The following TIMM17B variants were observed in gnomAD, a reference collection of about 807,000 sequenced individuals.
TIMM17B encodes the protein mitochondrial import inner membrane translocase subunit Tim17-B.
TIMM17B carries 10 observed loss-of-function variants against 15.9 expected under a neutral mutation model. The observed-to-expected ratio is 0.63, with a 90% CI of 0.39 to 1.06. The LOEUF is 1.06. Among genes scored for constraint, TIMM17B ranks in the 50% least tolerant of loss-of-function variants. The pLI, the probability that TIMM17B is intolerant of heterozygous loss-of-function variation, is 0.01. For missense variants in TIMM17B, 114 were observed against 152.2 expected (o/e 0.75, Z 1.32); for synonymous variants, 57 against 57.2 (o/e 1.00, Z 0.02).
At chrX:48,896,572 G>A (rs1015118921) in intron 3 of TIMM17B, 187 bp downstream of exon 2, 11 of 951,673 alleles carry the variant, frequency 1.2e-5, no homozygotes, top group Non-Finnish European at 1.5e-5. Context: ...GAGGGTGGAA[G>A]ACAGAGGCCA....
chrX:48,898,069 G>C, exon 1 of TIMM17B: 3 of 1,036,586 alleles, frequency 2.9e-6, no homozygotes, highest in Non-Finnish European at 3.7e-6. Flanking sequence ...TCCACTACCT[G>C]CACGAGTGTA....
At chrX:48,896,667 C>G (rs782044580) in intron 3 of TIMM17B, 92 bp downstream of exon 2, 2 of 1,168,300 alleles carry the variant, frequency 1.7e-6, no homozygotes, top group Non-Finnish European at 2.3e-6. Context: ...AATAAGTGCA[C>G]GTGACTGGCA....
chrX:48,897,027 C>T lies in TIMM17B; in HGVS notation c.27-169G>A. The T allele has an allele frequency of 2.5e-5, 25 of 1,007,623 alleles. No individual in the cohort carries two copies. The South Asian group carries it at 3.8e-4, about 15-fold the overall frequency. The allele number at this position is 1,007,623 out of a possible 1,213,427, so 83.0% of individuals were successfully genotyped here. Reference sequence around the variant, plus strand: ...AGTTCTGTCACGCTTTTTCCACACACCCCCCCATTAAAGCGAGAAATGGGG... The same window carrying T: ...AGTTCTGTCACGCTTTTTCCACACATCCCCCCATTAAAGCGAGAAATGGGG... On this transcript the variant is annotated intron_variant, in intron 2 of 6. Coordinates refer to ENST00000376582, the Ensembl canonical transcript of TIMM17B.
In TIMM17B at chrX:48,897,182, T is replaced by C. The variant is rs2063321823; in HGVS notation, c.27-324A>G. ...CGTTTCAATAAGCGACATAGGCGTG[T>C]TAACTAGCCAAGACAGACTGTCAGC... On this transcript the variant is annotated intron_variant, in intron 2 of 6. Coordinates refer to ENST00000376582, the Ensembl canonical transcript of TIMM17B. 5.8e-5 allele frequency: 19 copies of C among 326,684 alleles called. No homozygotes were observed. The South Asian group carries it at 8.2e-4, about 14-fold the overall frequency. 26.9% of individuals were successfully genotyped at this position (326,684 alleles called of 1,213,427 possible).
chrX:48,893,832 C>T lies in TIMM17B; in HGVS notation c.431-15G>A. 1 of 1,185,036 alleles carries T rather than the reference C, an allele frequency of 8.4e-7. No homozygotes were observed. Among genetic ancestry groups the T allele is most frequent in the East Asian group, 3.0e-5 (1 of 33,432 alleles). On this transcript the variant is annotated splice_polypyrimidine_tract_variant and intron_variant, in intron 6 of 6. Coordinates refer to ENST00000376582, the Ensembl canonical transcript of TIMM17B. ...GAATGGGGGCGCTGGAGAAGGGAGA[C>T]TTGGGTAAGGATGAGTGGAAGAGGC...
intron 3 of TIMM17B, 65 bp downstream of exon 2, chrX:48,896,694 A>T: frequency 2.5e-6 from 3 of 1,198,952 alleles, no homozygotes; most frequent in Non-Finnish European, 3.4e-6. Flanking sequence ...AGCAGTTTTC[A>T]GAGCAGCCTC....
chrX:48,897,190 C>T (rs2063321967), intron 2 of TIMM17B: 1 of 297,768 alleles, frequency 3.4e-6, no homozygotes, highest in African/African-American at 2.7e-5. Flanking sequence ...TGTTAACTAG[C>T]CAAGACAGAC....
exon 2 of TIMM17B, chrX:48,897,790 C>A (rs782454947): frequency 2.5e-6 from 3 of 1,203,293 alleles, no homozygotes; most frequent in African/African-American, 1.7e-5. Context: ...ACGCCCCCAG[C>A]GTAGACGCAC....
At position 48,893,893 on chromosome X, in the gene TIMM17B, TACTC is replaced by T. The variant is rs1195958686; in HGVS notation, c.430+3_430+6del. ...ATTTCCCACTCCCCCGACCACCAGT[TACTC>T]ACCATTTCGGAACTGCTGGGCTGTG... On this transcript the variant is annotated splice_donor_5th_base_variant and intron_variant, in intron 6 of 6. Transcript: ENST00000376582. The T allele has an allele frequency of 5.0e-6, 6 of 1,201,774 alleles. No individual in the cohort carries two copies. Among genetic ancestry groups the T allele is most frequent in the South Asian group, 1.8e-5 (1 of 56,218 alleles).
At chrX:48,896,417 GC>G (rs782133781) in intron 3 of TIMM17B, 3 of 160,576 alleles carry the variant, frequency 1.9e-5, no homozygotes, top group African/African-American at 9.2e-5. Flanking sequence ...CCAAGAGCGT[GC>G]CACTGCACTC....
chrX:48,897,692 A>G, intron 2 of TIMM17B, 32 bp downstream of exon 1: 1 of 1,158,703 alleles, frequency 8.6e-7, no homozygotes, highest in Non-Finnish European at 1.2e-6. Context: ...GCGTCGCAGC[A>G]ATATTCCGGA....
In TIMM17B at chrX:48,895,047, G is replaced by A; in HGVS notation, c.181C>T (p.Gln61Ter). The change falls in exon 4 of 7, where the codon CAG becomes TAG. Residue 61 changes from glutamine (Q) to a stop codon, truncating the protein, a stop_gained. Transcript: ENST00000376582. LOFTEE classifies it high-confidence loss of function. ...TCCCCAAGTCCCTCACCTCCAATCTGGGGGGCTCGGATCCTCACAGCATTG... is the reference window on the plus strand; with the variant it reads ...TCCCCAAGTCCCTCACCTCCAATCTAGGGGGCTCGGATCCTCACAGCATTG... 1 of 1,198,311 alleles carries A rather than the reference G, an allele frequency of 8.3e-7. No individual in the cohort carries two copies. Among genetic ancestry groups the A allele is most frequent in the Non-Finnish European group, 1.1e-6 (1 of 887,812 alleles).
chrX:48,895,762 A>G (rs782804152), intron 3 of TIMM17B: 13 of 293,981 alleles, frequency 4.4e-5, no homozygotes, highest in African/African-American at 3.2e-4. Flanking sequence ...ATTATGTTAA[A>G]AGAATTCTCT....
chrX:48,896,837 A>G, exon 3 of TIMM17B: 1 of 1,210,384 alleles, frequency 8.3e-7, no homozygotes, highest in South Asian at 1.8e-5. Flanking sequence ...CTCCACCGCA[A>G]TCATCCACAA....
chrX:48,897,928 T>G, intron 1 of TIMM17B, 160 bp from the exon 1 acceptor site: 1 of 877,433 alleles, frequency 1.1e-6, no homozygotes, highest in Non-Finnish European at 1.5e-6. Flanking sequence ...CTGAGCGTAG[T>G]CCAGTTACTT....
At chrX:48,897,829 C>A in intron 1 of TIMM17B, 61 bp from the exon 1 acceptor site, 1 of 1,168,827 alleles carries the variant, frequency 8.6e-7, no homozygotes, top group East Asian at 3.1e-5. Context: ...CGCCTATTAC[C>A]GGGCAGCGAT....
chrX:48,896,988 GATA>G, intron 2 of TIMM17B, 130 bp from the exon 2 acceptor site: 1 of 1,111,281 alleles, frequency 9.0e-7, no homozygotes, highest in East Asian at 3.3e-5. Context: ...AAACACTTCA[GATA>G]ATAATGAGCT....
At chrX:48,897,664 C>A in intron 2 of TIMM17B, 60 bp downstream of exon 1, 1 of 1,035,816 alleles carries the variant, frequency 9.7e-7, no homozygotes, top group Non-Finnish European at 1.4e-6. Flanking sequence ...CCCCGCCCGA[C>A]CCCCACGGCT....
chrX:48,896,629 A>C, intron 3 of TIMM17B, 130 bp downstream of exon 2: 1 of 1,108,500 alleles, frequency 9.0e-7, no homozygotes, highest in Non-Finnish European at 1.2e-6. Flanking sequence ...CAGGCTCGGC[A>C]CATAGTAGGT....
Sources: allele counts gnomAD v4.1 joint callset, GRCh38; gene constraint gnomAD v4.1.1; transcripts MANE v1.5; gene names NCBI Gene and HGNC (gene_info 2026-07-23, HGNC 2026-07-21).